The following VIPR2 variants were observed in gnomAD, a reference collection of about 807,000 sequenced individuals.
VIPR2 encodes vasoactive intestinal polypeptide receptor 2.
VIPR2 carries 48 observed loss-of-function variants against 58.0 expected under a neutral mutation model. The observed-to-expected ratio is 0.83, with a 90% confidence interval of 0.66 to 1.05. The LOEUF (loss-of-function observed/expected upper bound fraction) is 1.05. Among genes scored for constraint, VIPR2 ranks in the 50% least tolerant of loss-of-function variants. The pLI, the probability that VIPR2 is intolerant of heterozygous loss-of-function variation, is 0.00. For synonymous variants in VIPR2, 243 were observed against 235.2 expected (o/e 1.03, Z -0.30); for missense variants, 534 against 558.0 (o/e 0.96, Z 0.43).
intron 3 of VIPR2, among the ~76,000 whole-genome samples, chr7:159,106,631 A>G (rs1380812544): frequency 5.1e-5 from 4 of 78,818 alleles, no homozygotes; most frequent in Admixed American, 1.7e-4. Context: ...AAGGGGCAGA[A>G]AGGCCAGGGA....
At chr7:159,117,350 G>A in intron 2 of VIPR2, 1 of 717,474 alleles carries the variant, frequency 1.4e-6, no homozygotes, top group Non-Finnish European at 2.6e-6. Context: ...TAGGTATGTG[G>A]GTCCAGGATC....
chr7:159,085,986 T>G (rs1394009134), intron 4 of VIPR2, among the ~76,000 whole-genome samples: 3 of 152,182 alleles, frequency 2.0e-5, no homozygotes, highest in Non-Finnish European at 4.4e-5. Flanking sequence ...GAGTGAGCCC[T>G]AAGTAAACCA....
chr7:159,041,238 G>A (rs755527663), intron 6 of VIPR2, among the ~76,000 whole-genome samples: 1 of 152,242 alleles, frequency 6.6e-6, no homozygotes, highest in East Asian at 1.9e-4. Flanking sequence ...GGCCCTCCCG[G>A]TGGGGCAGCC....
chr7:159,102,585 G>C (rs1253625585), intron 4 of VIPR2, among the ~76,000 whole-genome samples: 1 of 152,220 alleles, frequency 6.6e-6, no homozygotes, highest in Admixed American at 6.5e-5. Flanking sequence ...AACTGGCTTA[G>C]AGTTGTGAAT....
Position 159,096,822 on chromosome 7 carries a change from T to C in VIPR2, c.357+6935A>G, listed in dbSNP as rs1857876942. 27 of 1,463,504 alleles carry C rather than the reference T, an allele frequency of 1.8e-5. No individual in the cohort carries two copies. The highest frequency in any genetic ancestry group is 2.4e-5 in the Non-Finnish European group (26 of 1,097,890). The allele number at this position is 1,463,504 out of a possible 1,614,324, so 90.7% of individuals were successfully genotyped here. A position where few individuals can be genotyped will look rare whatever the true frequency, so the allele number is the denominator to read the frequency against. On this transcript the variant is annotated intron_variant, in intron 4 of 12. Coordinates refer to ENST00000262178, the MANE Select transcript of VIPR2 (RefSeq NM_003382.5). This position sits in a 1 kb window ranked among gnomAD's most constrained non-coding sequence, Gnocchi z 5.5. ...CCGCAGCAGCCACAGGCCCAGCTCT[T>C]GTCCCGGCCCACCTCGGGATGCTTC...
intron 4 of VIPR2, 61 bp from the exon 5 acceptor site, chr7:159,058,639 A>C: frequency 7.9e-7 from 1 of 1,270,552 alleles, no homozygotes; most frequent in Non-Finnish European, 1.1e-6. Flanking sequence ...GACAACAGGA[A>C]TGGTTCCAGG....
chr7:159,043,190 G>C lies in VIPR2; in HGVS notation c.456-14C>G. On this transcript the variant is annotated splice_polypyrimidine_tract_variant and intron_variant, in intron 5 of 12. Transcript: ENST00000262178. ...CAGTGCAGCTTCCTGAGGTGGGGGA[G>C]TGGGAGAGAGAGGAATTGGAGGGGG... is the stretch of plus-strand genomic sequence containing the variant. 1.2e-6 allele frequency: 2 copies of C among 1,604,664 alleles called. No homozygotes were observed. The highest frequency in any genetic ancestry group is 1.7e-4 in the Middle Eastern group (1 of 6,014).
chr7:159,142,392 C>CA (rs1280254125), intron 2 of VIPR2, 54 bp downstream of exon 2: 1 of 1,367,562 alleles, frequency 7.3e-7, no homozygotes, highest in Non-Finnish European at 1.0e-6. Flanking sequence ...GAGTGAGGCG[C>CA]ATTCCCGGGT....
At chr7:159,133,647 G>A (rs1028284607) in intron 2 of VIPR2, among the ~76,000 whole-genome samples, 6 of 152,158 alleles carry the variant, frequency 3.9e-5, no homozygotes, top group Non-Finnish European at 7.3e-5. Flanking sequence ...CTCTGCTTCT[G>A]TCTGTTTGGT....
chr7:159,126,295 G>C (rs778647973), intron 2 of VIPR2, among the ~76,000 whole-genome samples: 17 of 152,082 alleles, frequency 1.1e-4, no homozygotes, highest in Non-Finnish European at 2.1e-4. Flanking sequence ...CCAAATGAAG[G>C]CTTCTGTCTT....
chr7:159,103,358 C>T (rs73169252), intron 4 of VIPR2, among the ~76,000 whole-genome samples: 14 of 152,282 alleles, frequency 9.2e-5, no homozygotes, highest in Non-Finnish European at 1.6e-4. Context: ...GAAACCATGG[C>T]GCTGACTTCT....
At chr7:159,126,515 C>T (rs1219111802) in intron 2 of VIPR2, among the ~76,000 whole-genome samples, 1 of 152,182 alleles carries the variant, frequency 6.6e-6, no homozygotes, top group Non-Finnish European at 1.5e-5. Flanking sequence ...AAAGCAATTA[C>T]CTGTCAAAAC....
rs150821933 is a variant in VIPR2, at chr7:159,142,623, C to T, written c.52-78G>A. On this transcript the variant is annotated intron_variant, in intron 1 of 12. Coordinates refer to ENST00000262178, the MANE Select transcript of VIPR2 (RefSeq NM_003382.5). ...AAAGCAAGCAAAAATTCTACAAAAA[C>T]AACCCCAAACCTCACAGCTTTAAAC... 387 of 1,087,490 alleles carry T rather than the reference C, an allele frequency of 3.6e-4. 1 individual carries two copies. In the East Asian group the frequency reaches 8.5e-3, roughly 24 times the overall value. 67.4% of individuals were successfully genotyped at this position (1,087,490 alleles called of 1,614,324 possible).
rs1857628465 is a variant in VIPR2, at chr7:159,093,645, G to A, written c.357+10112C>T. Among the ~76,000 whole-genome samples the A allele has an allele frequency of 6.6e-6, 1 of 152,290 alleles. No homozygotes were observed. The highest frequency in any genetic ancestry group is 1.9e-4 in the East Asian group (1 of 5,176). Reference sequence around the variant, plus strand: ...CCCACAACAAGCAGGTGCCCACAGCGTCCCTGGGTCCAGACATGGAAGACC... The same window carrying A: ...CCCACAACAAGCAGGTGCCCACAGCATCCCTGGGTCCAGACATGGAAGACC... On this transcript the variant is annotated intron_variant, in intron 4 of 12. Coordinates refer to ENST00000262178, the MANE Select transcript of VIPR2 (RefSeq NM_003382.5). The surrounding 1 kb of genome is among the most constrained non-coding windows in gnomAD (Gnocchi z 6.7).
At position 159,097,180 on chromosome 7, in the gene VIPR2, A is replaced by G; in HGVS notation, c.357+6577T>C. The G allele has an allele frequency of 6.9e-7, 1 of 1,442,892 alleles. No individual in the cohort carries two copies. The highest frequency in any genetic ancestry group is 2.5e-5 in the East Asian group (1 of 39,742). 89.4% of individuals were successfully genotyped at this position (1,442,892 alleles called of 1,614,324 possible). A position where few individuals can be genotyped will look rare whatever the true frequency, so the allele number is the denominator to read the frequency against. On this transcript the variant is annotated intron_variant, in intron 4 of 12. Transcript: ENST00000262178. The surrounding 1 kb of genome is among the most constrained non-coding windows in gnomAD (Gnocchi z 5.3). The stretch of plus-strand genomic sequence containing the variant: ...GCTGCTGTGATCTTTGTCACCAGGG[A>G]TGGGAGCCCTGGGGAGTGAAGTTTG...
At chr7:159,110,586 A>T (rs1173055832) in intron 2 of VIPR2, among the ~76,000 whole-genome samples, 1 of 22 alleles carries the variant, frequency 0.045, no homozygotes, top group African/African-American at 0.25. Flanking sequence ...TGTTAAACCC[A>T]GGACTTTCCT....
At chr7:159,092,046 T>C (rs923131444) in intron 4 of VIPR2, among the ~76,000 whole-genome samples, 1 of 152,152 alleles carries the variant, frequency 6.6e-6, no homozygotes, top group Non-Finnish European at 1.5e-5. Flanking sequence ...GAGCCAAGAT[T>C]ATGCCGCTGA....
chr7:159,108,925 T>C (rs1299351205), intron 3 of VIPR2, among the ~76,000 whole-genome samples: 1 of 152,202 alleles, frequency 6.6e-6, no homozygotes, highest in Non-Finnish European at 1.5e-5. Context: ...GCATGGTCCC[T>C]ACCTTCAGGC....
At chr7:159,033,778 A>G (rs897655911) in intron 10 of VIPR2, among the ~76,000 whole-genome samples, 1 of 152,210 alleles carries the variant, frequency 6.6e-6, no homozygotes, top group African/African-American at 2.4e-5. Context: ...AAAATAAAAA[A>G]TACTGTGTGG....
Sources: allele counts gnomAD v4.1 joint callset (sites outside exome capture counted in the v4.1 genomes callset), GRCh38; gene constraint gnomAD v4.1.1; non-coding constraint Gnocchi (gnomAD v3.1); transcripts MANE v1.5; gene names NCBI Gene and HGNC (gene_info 2026-07-23, HGNC 2026-07-21).